PLD5: variants seen among roughly 807,000 people sequenced by gnomAD.
The protein encoded by PLD5 is inactive phospholipase D5.
Under a neutral mutation model 61.1 loss-of-function variants are expected in PLD5, and 36 were observed. The observed-to-expected ratio is 0.59, with a 90% CI of 0.45 to 0.78. PLD5 has a LOEUF of 0.78. Ranked by LOEUF, PLD5 falls within the 30% of genes least tolerant of loss-of-function variation. The pLI is 0.00. For missense variants in PLD5, 515 were observed against 644.4 expected (o/e 0.80, Z 2.17); for synonymous variants, 243 against 242.8 (o/e 1.00, Z -0.01).
intron 5 of PLD5, among the ~76,000 whole-genome samples, chr1:242,180,388 A>G (rs1281888415): frequency 6.6e-6 from 1 of 152,170 alleles, no homozygotes; most frequent in Non-Finnish European, 1.5e-5. Context: ...ATATCAATAT[A>G]TGTTTAATAA....
chr1:242,093,828 A>T (rs1276251779), intron 9 of PLD5, among the ~76,000 whole-genome samples: 1 of 152,096 alleles, frequency 6.6e-6, no homozygotes, highest in East Asian at 1.9e-4. Flanking sequence ...GGTGGGGGGA[A>T]AATGATGGAG....
intron 8 of PLD5, among the ~76,000 whole-genome samples, chr1:242,102,168 A>G (rs895330960): frequency 6.6e-6 from 1 of 152,248 alleles, no homozygotes; most frequent in Non-Finnish European, 1.5e-5. Context: ...CTTGGACATA[A>G]TATCACAACA....
chr1:242,427,419 G>A (rs1558557871), intron 1 of PLD5, among the ~76,000 whole-genome samples: 2 of 152,084 alleles, frequency 1.3e-5, no homozygotes, highest in Non-Finnish European at 2.9e-5. Context: ...CTACATTATT[G>A]TGTGTCAGAT....
intron 1 of PLD5, among the ~76,000 whole-genome samples, chr1:242,441,644 A>G (rs905483935): frequency 6.6e-6 from 1 of 152,060 alleles, no homozygotes. Flanking sequence ...ACTTTTGCAC[A>G]TTTTAAAGTA....
chr1:242,208,497 G>T (rs1342628877), intron 5 of PLD5, among the ~76,000 whole-genome samples: 1 of 152,104 alleles, frequency 6.6e-6, no homozygotes, highest in Non-Finnish European at 1.5e-5. Flanking sequence ...TGACCATAAC[G>T]ATCTCACTGA....
intron 2 of PLD5, among the ~76,000 whole-genome samples, chr1:242,337,884 G>A (rs1015361712): frequency 7.2e-5 from 11 of 152,128 alleles, no homozygotes; most frequent in African/African-American, 2.4e-4. Context: ...TCCAGGGTGA[G>A]TAATATCTGA....
At chr1:242,235,410 C>T (rs1014109088) in intron 4 of PLD5, 9 of 152,142 alleles carry the variant, frequency 5.9e-5, no homozygotes, top group East Asian at 5.8e-4. Flanking sequence ...TGATTAACGT[C>T]GGTTCACTGT....
At chr1:242,479,839 C>T (rs1034399325) in intron 1 of PLD5, among the ~76,000 whole-genome samples, 11 of 150,500 alleles carry the variant, frequency 7.3e-5, no homozygotes, top group East Asian at 3.9e-4. Flanking sequence ...GTCAGGAGAT[C>T]GAGACTAACC....
chr1:242,098,455 T>C (rs1220786649), intron 9 of PLD5, among the ~76,000 whole-genome samples: 1 of 152,164 alleles, frequency 6.6e-6, no homozygotes, highest in Non-Finnish European at 1.5e-5. Flanking sequence ...TAGTTAGCCA[T>C]TCATCTAATC....
chr1:242,357,082 T>A (rs1435616957), intron 1 of PLD5, among the ~76,000 whole-genome samples: 5 of 152,146 alleles, frequency 3.3e-5, no homozygotes, highest in Non-Finnish European at 5.9e-5. Flanking sequence ...GCTTAAAGAA[T>A]TTCTTTTAGT....
rs180708250 is a variant in PLD5 at position 242,356,646 on chromosome 1, G to A, written c.190-8404C>T. 7.9e-4 allele frequency among the ~76,000 whole-genome samples: 120 copies of A among 151,466 alleles called. 1 individual carries two copies. The East Asian group carries it at 0.023, about 29-fold the overall frequency. ...TACTTTCTTTCTTTCTTCCTGTCTT[G>A]TTGTTTTCCTTTATAGTTTGCTATG... On this transcript the variant is annotated intron_variant, in intron 1 of 9. Transcript: ENST00000536534.
chr1:242,404,364 T>C (rs1289226319), intron 1 of PLD5, among the ~76,000 whole-genome samples: 1 of 152,126 alleles, frequency 6.6e-6, no homozygotes, highest in African/African-American at 2.4e-5. Context: ...TGAGATAACC[T>C]GAGATGAGAA....
chr1:242,342,068 AT>A (rs1435629567), intron 2 of PLD5, among the ~76,000 whole-genome samples: 1 of 152,146 alleles, frequency 6.6e-6, no homozygotes, highest in Non-Finnish European at 1.5e-5. Context: ...CCAAGACAGT[AT>A]GTTTACTCAG....
chr1:242,153,422 G>T (rs1665099124), intron 5 of PLD5, among the ~76,000 whole-genome samples: 1 of 151,278 alleles, frequency 6.6e-6, no homozygotes, highest in Non-Finnish European at 1.5e-5. Flanking sequence ...TGAAGTCTTT[G>T]CCCATGCCTA....
intron 6 of PLD5, among the ~76,000 whole-genome samples, 199 bp from the exon 7 acceptor site, chr1:242,114,225 G>T (rs1417543868): frequency 6.6e-6 from 1 of 152,124 alleles, no homozygotes; most frequent in East Asian, 1.9e-4. Context: ...TGGGTCTCAA[G>T]TCTGTTTTGG....
intron 4 of PLD5, among the ~76,000 whole-genome samples, chr1:242,257,948 T>G (rs754327424): frequency 1.3e-5 from 2 of 152,174 alleles, no homozygotes; most frequent in African/African-American, 2.4e-5. Flanking sequence ...CCTCTTCTTT[T>G]TAGAACCAAG....
At chr1:242,348,313 A>C in intron 1 of PLD5, 71 bp from the exon 2 acceptor site, 1 of 1,468,980 alleles carries the variant, frequency 6.8e-7, no homozygotes, top group East Asian at 2.3e-5. Flanking sequence ...AGAAGTGACA[A>C]CTTCTCAACA....
intron 5 of PLD5, among the ~76,000 whole-genome samples, chr1:242,185,217 A>G (rs1667793518): frequency 6.6e-6 from 1 of 152,166 alleles, no homozygotes; most frequent in Admixed American, 6.5e-5. Context: ...AGCCCCACAT[A>G]GCTACTCCAA....
chr1:242,158,783 A>AT (rs1431824279), intron 5 of PLD5, among the ~76,000 whole-genome samples: 9 of 151,518 alleles, frequency 5.9e-5, no homozygotes, highest in Non-Finnish European at 1.2e-4. Flanking sequence ...TCAGTCTCCT[A>AT]TTTTTTCTTT....
Sources: gnomAD v4.1 joint callset for allele counts (sites outside exome capture counted in the v4.1 genomes callset) on GRCh38, gnomAD v4.1.1 for gene constraint, MANE v1.5 for transcripts, NCBI Gene and HGNC (gene_info 2026-07-23, HGNC 2026-07-21) for gene names.